The following PKIB variants were observed in gnomAD, a reference collection of about 807,000 sequenced individuals.
PKIB encodes the protein PKI-beta.
PKIB carries 2 observed loss-of-function variants against 4.5 expected under a neutral mutation model. That is an observed-to-expected ratio of 0.44 (90% CI 0.18 to 1.39). PKIB has a LOEUF of 1.39. Ranked by LOEUF, PKIB falls within the 40% of genes most tolerant of loss-of-function variation. The pLI, the probability that PKIB is intolerant of heterozygous loss-of-function variation, is 0.27. For missense variants in PKIB, 94 were observed against 92.6 expected, an observed-to-expected ratio of 1.02 and a Z score of -0.06; for synonymous variants, 38 against 36.0, an observed-to-expected ratio of 1.06 and a Z score of -0.20.
chr6:122,498,749 A>G (rs1265130375), intron 2 of PKIB, among the ~76,000 whole-genome samples: 1 of 152,190 alleles, frequency 6.6e-6, no homozygotes, highest in African/African-American at 2.4e-5. Flanking sequence ...AGAGGCAAAA[A>G]TCCTTACAAG....
intron 2 of PKIB, among the ~76,000 whole-genome samples, chr6:122,539,320 G>C (rs538612375): frequency 1.3e-5 from 2 of 152,088 alleles, no homozygotes; most frequent in East Asian, 3.9e-4. Context: ...CTGTGGGTTT[G>C]TCATAGATAG....
rs139245677 is a variant in PKIB at position 122,552,551 on chromosome 6, T to G, written c.-247-33370T>G. Reference sequence around the variant, plus strand: ...GCCACCATGCCCAGCTACTTTTTTGTATTTTTAGTAGAGATGGGGTTTTGC... The same window carrying G: ...GCCACCATGCCCAGCTACTTTTTTGGATTTTTAGTAGAGATGGGGTTTTGC... On this transcript the variant is annotated intron_variant, in intron 2 of 6. Transcript: ENST00000392491. Among the ~76,000 whole-genome samples the G allele has an allele frequency of 5.0e-3, 767 of 152,146 alleles. 7 individuals are homozygous for G. The highest frequency in any genetic ancestry group is 0.017 in the African/African-American group (725 of 41,510).
chr6:122,697,421 A>T (rs1316978947), intron 3 of PKIB, among the ~76,000 whole-genome samples: 1 of 151,916 alleles, frequency 6.6e-6, no homozygotes, highest in Non-Finnish European at 1.5e-5. Context: ...TTTAGGGATT[A>T]GGAGATGTGC....
intron 1 of PKIB, among the ~76,000 whole-genome samples, chr6:122,610,832 A>C (rs555397641): frequency 2.0e-5 from 3 of 152,292 alleles, no homozygotes; most frequent in African/African-American, 7.2e-5. Flanking sequence ...TCTGCCCTGC[A>C]GGTGGCCATT....
At chr6:122,679,836 G>C (rs1026667385) in intron 3 of PKIB, among the ~76,000 whole-genome samples, 1 of 152,176 alleles carries the variant, frequency 6.6e-6, no homozygotes, top group African/African-American at 2.4e-5. Flanking sequence ...CATCTCAGTT[G>C]TGAGAGGTAT....
chr6:122,721,606 AAGGC>A (rs1175960296), intron 4 of PKIB, among the ~76,000 whole-genome samples: 1 of 152,166 alleles, frequency 6.6e-6, no homozygotes, highest in Non-Finnish European at 1.5e-5. Flanking sequence ...AGGAGTAGAA[AAGGC>A]AGTTGATACA....
intron 2 of PKIB, among the ~76,000 whole-genome samples, chr6:122,666,408 A>G (rs773922503): frequency 2.6e-5 from 4 of 151,992 alleles, no homozygotes; most frequent in African/African-American, 9.7e-5. Flanking sequence ...GCACAAAAAT[A>G]TAATATCTAC....
At chr6:122,610,720 C>T (rs375641477) in intron 1 of PKIB, among the ~76,000 whole-genome samples, 185 bp downstream of exon 1, 203 of 152,340 alleles carry the variant, frequency 1.3e-3, no homozygotes, top group African/African-American at 4.7e-3. Flanking sequence ...TTGGGCGACC[C>T]GATCCATCGT....
chr6:122,681,918 G>A (rs990200144), intron 3 of PKIB, among the ~76,000 whole-genome samples: 7 of 152,152 alleles, frequency 4.6e-5, no homozygotes, highest in Admixed American at 6.5e-5. Context: ...GCCCTCAAGT[G>A]GTGATGTGCT....
At chr6:122,671,125 C>G (rs1190254921) in intron 2 of PKIB, among the ~76,000 whole-genome samples, 1 of 152,018 alleles carries the variant, frequency 6.6e-6, no homozygotes, top group African/African-American at 2.4e-5. Context: ...AACCCTGTCT[C>G]TACTAAAAAT....
At chr6:122,593,311 A>G (rs1056794304) in intron 3 of PKIB, among the ~76,000 whole-genome samples, 2 of 152,186 alleles carry the variant, frequency 1.3e-5, no homozygotes, top group Admixed American at 6.5e-5. Flanking sequence ...CAGCAAGTTT[A>G]TATGCTTTTT....
intron 2 of PKIB, among the ~76,000 whole-genome samples, chr6:122,559,955 G>A (rs1392814315): frequency 6.6e-6 from 1 of 152,034 alleles, no homozygotes; most frequent in African/African-American, 2.4e-5. Context: ...AATCCTTAGG[G>A]TTTTCAAGGT....
At chr6:122,484,592 A>G (rs1775710858) in intron 2 of PKIB, among the ~76,000 whole-genome samples, 1 of 152,192 alleles carries the variant, frequency 6.6e-6, no homozygotes. Context: ...TAGGTTTGCT[A>G]TTTTCCTTAT....
intron 1 of PKIB, among the ~76,000 whole-genome samples, chr6:122,619,019 T>G (rs1403935965): frequency 6.6e-6 from 1 of 152,174 alleles, no homozygotes; most frequent in African/African-American, 2.4e-5. Context: ...TTTCTTTGAT[T>G]GGTAGTGAGG....
At chr6:122,659,860 CAATT>C (rs1295196513) in intron 2 of PKIB, among the ~76,000 whole-genome samples, 1 of 149,800 alleles carries the variant, frequency 6.7e-6, no homozygotes, top group African/African-American at 2.5e-5. Flanking sequence ...TTAGAGAACA[CAATT>C]AAAAGAAAAA....
chr6:122,585,196 AC>A (rs1773816016), intron 2 of PKIB, among the ~76,000 whole-genome samples: 1 of 152,106 alleles, frequency 6.6e-6, no homozygotes, highest in Non-Finnish European at 1.5e-5. Context: ...GATGTCTAAC[AC>A]CACCAGCTCA....
intron 2 of PKIB, among the ~76,000 whole-genome samples, chr6:122,512,090 A>G (rs1276076929): frequency 6.6e-6 from 1 of 152,182 alleles, no homozygotes; most frequent in African/African-American, 2.4e-5. Flanking sequence ...CCTTTTTCCC[A>G]ACAATGTCCT....
intron 2 of PKIB, among the ~76,000 whole-genome samples, chr6:122,573,162 GA>G (rs1773419737): frequency 1.3e-5 from 2 of 152,066 alleles, no homozygotes. Context: ...GGACACAAGA[GA>G]AAAAGAAAAC....
At position 122,703,158 on chromosome 6, in the gene PKIB, G is replaced by A. The variant is rs191480117; in HGVS notation, c.-8-14629G>A. On this transcript the variant is annotated intron_variant, in intron 3 of 4. Transcript: ENST00000368452. The stretch of plus-strand genomic sequence containing the variant: ...ATAATATAACATTTTAATGCATCGT[G>A]TATAATGTACACATGCATATTGTCT... 7.2e-5 allele frequency among the ~76,000 whole-genome samples: 11 copies of A among 152,142 alleles called. No individual in the cohort carries two copies. In the East Asian group the frequency reaches 1.9e-3, roughly 27 times the overall value.
Sources: gnomAD v4.1 joint callset for allele counts (sites outside exome capture counted in the v4.1 genomes callset) on GRCh38, gnomAD v4.1.1 for gene constraint, MANE v1.5 for transcripts, NCBI Gene and HGNC (gene_info 2026-07-23, HGNC 2026-07-21) for gene names.